Variants in RBFOX1 observed in about 807,000 individuals in gnomAD.
RBFOX1 encodes the protein RNA binding protein fox-1 homolog 1.
A neutral mutation model predicts 57.7 loss-of-function variants in RBFOX1; 8 were observed. The ratio of observed to expected loss-of-function variants is 0.14; its 90% CI spans 0.08 to 0.25. The LOEUF is 0.25. RBFOX1 is among the 10% of genes least tolerant of loss of function. RBFOX1 has a pLI of 1.00. For synonymous variants in RBFOX1, 326 were observed against 222.4 expected (o/e 1.47, Z -4.15); for missense variants, 611 against 548.5 (o/e 1.11, Z -1.14).
At chr16:5,920,490 T>A (rs1474255431) in intron 4 of RBFOX1, among the ~76,000 whole-genome samples, 1 of 152,174 alleles carries the variant, frequency 6.6e-6, no homozygotes, top group Non-Finnish European at 1.5e-5. Flanking sequence ...CTGGGTTATA[T>A]GGCAATTCGT....
rs545294400 is a variant in RBFOX1, at chr16:7,424,781, G to A, written c.28-93366G>A. ...GCAAGCAAACAAACAAACAAACAGT[G>A]CCAGCTGAAACAATCACATAATCAC... is the stretch of plus-strand genomic sequence containing the variant. On this transcript the variant is annotated intron_variant, in intron 4 of 15. Coordinates refer to ENST00000550418, the MANE Select transcript of RBFOX1 (RefSeq NM_018723.4). Among the ~76,000 whole-genome samples, 7 of 152,256 alleles carry A rather than the reference G, an allele frequency of 4.6e-5. No individual in the cohort carries two copies. The East Asian group carries it at 5.8e-4, about 13-fold the overall frequency.
intron 2 of RBFOX1, among the ~76,000 whole-genome samples, chr16:6,531,146 T>C (rs2096652639): frequency 2.0e-5 from 3 of 152,166 alleles, no homozygotes; most frequent in African/African-American, 7.2e-5. Context: ...AGGATCCAGG[T>C]TGTTTCCCTG....
Position 6,425,608 on chromosome 16 carries a change from T to G in RBFOX1, c.-64+108551T>G, listed in dbSNP as rs1233209478. Among the ~76,000 whole-genome samples, 4 of 152,212 alleles carry G rather than the reference T, an allele frequency of 2.6e-5. No individual in the cohort carries two copies. In the East Asian group the frequency reaches 5.8e-4, roughly 22 times the overall value. ...ACTGTATGTGGTTTATCACTATTTT[T>G]TTTTTGTGAAGAAAATTGTTTGTTT... On this transcript the variant is annotated intron_variant, in intron 2 of 15. Transcript: ENST00000550418.
chr16:5,714,538 G>A (rs2151515878), intron 3 of RBFOX1, among the ~76,000 whole-genome samples: 1 of 152,344 alleles, frequency 6.6e-6, no homozygotes, highest in Middle Eastern at 3.4e-3. Context: ...TGGGACCTTA[G>A]ATGTGTGAAA....
At chr16:5,651,360 T>C (rs740656) in intron 3 of RBFOX1, among the ~76,000 whole-genome samples, 1,630 of 152,146 alleles carry the variant, frequency 0.011, 28 homozygotes, top group African/African-American at 0.036. Context: ...GCCGGAATCC[T>C]AGCTTCTTGC....
intron 1 of RBFOX1, among the ~76,000 whole-genome samples, chr16:6,259,827 G>C (rs113371693): frequency 6.6e-6 from 1 of 151,926 alleles, no homozygotes; most frequent in Non-Finnish European, 1.5e-5. Flanking sequence ...CAGGCCTGGT[G>C]GTGCACACCT....
intron 3 of RBFOX1, among the ~76,000 whole-genome samples, chr16:6,968,727 C>T (rs1472169959): frequency 2.0e-5 from 3 of 152,094 alleles, no homozygotes; most frequent in East Asian, 1.9e-4. Context: ...TGGCAGCTGG[C>T]CTCATCTCCC....
intron 1 of RBFOX1, among the ~76,000 whole-genome samples, chr16:6,108,717 A>T (rs1016509060): frequency 3.3e-5 from 5 of 151,958 alleles, no homozygotes; most frequent in Non-Finnish European, 5.9e-5. Flanking sequence ...GTCCTGGGGG[A>T]GTGTCTCCTC....
At chr16:7,012,322 C>T (rs2093691027) in intron 3 of RBFOX1, among the ~76,000 whole-genome samples, 3 of 152,170 alleles carry the variant, frequency 2.0e-5, no homozygotes, top group Admixed American at 2.0e-4. Flanking sequence ...GATCTCATAA[C>T]TACTAGTGAC....
intron 3 of RBFOX1, among the ~76,000 whole-genome samples, chr16:6,962,387 A>G (rs1460245027): frequency 2.0e-5 from 3 of 152,180 alleles, no homozygotes; most frequent in African/African-American, 7.2e-5. Context: ...ACTTCGACTT[A>G]TCTTTTTAGG....
At chr16:5,735,215 C>G (rs1362950569) in intron 3 of RBFOX1, among the ~76,000 whole-genome samples, 4 of 152,140 alleles carry the variant, frequency 2.6e-5, no homozygotes, top group Non-Finnish European at 4.4e-5. Flanking sequence ...CTCAGTTTAA[C>G]TGAAGGAAGG....
At chr16:6,415,417 C>G (rs563888809) in intron 2 of RBFOX1, among the ~76,000 whole-genome samples, 1 of 151,392 alleles carries the variant, frequency 6.6e-6, no homozygotes, top group Non-Finnish European at 1.5e-5. Flanking sequence ...GAGTCTGGGC[C>G]GGGCGTGGTG....
chr16:7,334,198 C>G (rs576327391), intron 4 of RBFOX1, among the ~76,000 whole-genome samples: 1 of 152,076 alleles, frequency 6.6e-6, no homozygotes, highest in African/African-American at 2.4e-5. Context: ...GGGGGTGATT[C>G]CAAGTCACAA....
intron 3 of RBFOX1, among the ~76,000 whole-genome samples, chr16:6,845,910 C>G (rs1250675330): frequency 6.6e-6 from 1 of 152,172 alleles, no homozygotes; most frequent in Non-Finnish European, 1.5e-5. Context: ...ATGTCATTAT[C>G]TTAAAAAGGC....
At chr16:5,504,630 A>G (rs368980389) in intron 2 of RBFOX1, among the ~76,000 whole-genome samples, 8 of 152,358 alleles carry the variant, frequency 5.3e-5, no homozygotes, top group Non-Finnish European at 1.0e-4. Context: ...AACCAGGCAC[A>G]AGCACACAAG....
At chr16:6,029,285 G>A (rs1338566594) in intron 1 of RBFOX1, among the ~76,000 whole-genome samples, 1 of 152,120 alleles carries the variant, frequency 6.6e-6, no homozygotes, top group African/African-American at 2.4e-5. Context: ...TTCATAACAA[G>A]AACAAGGAAC....
intron 4 of RBFOX1, among the ~76,000 whole-genome samples, chr16:7,095,081 T>G (rs1302219667): frequency 6.6e-6 from 1 of 152,110 alleles, no homozygotes; most frequent in Non-Finnish European, 1.5e-5. Context: ...TATTAGTAAT[T>G]TGTTTTAACT....
chr16:6,767,629 G>C (rs984407244), intron 3 of RBFOX1, among the ~76,000 whole-genome samples: 1 of 151,860 alleles, frequency 6.6e-6, no homozygotes, highest in Non-Finnish European at 1.5e-5. Context: ...AAGAAATTAT[G>C]GAGAGGCTAG....
chr16:7,048,431 T>C (rs1286508032), intron 3 of RBFOX1, among the ~76,000 whole-genome samples: 1 of 151,998 alleles, frequency 6.6e-6, no homozygotes, highest in Non-Finnish European at 1.5e-5. Context: ...AGCTAATTTT[T>C]TGTATTTTTA....
Sources: gnomAD v4.1 joint callset for allele counts (sites outside exome capture counted in the v4.1 genomes callset) on GRCh38, gnomAD v4.1.1 for gene constraint, MANE v1.5 for transcripts, NCBI Gene and HGNC (gene_info 2026-07-23, HGNC 2026-07-21) for gene names.